The following SLC9C1 variants were observed in gnomAD, a reference collection of about 807,000 sequenced individuals.
SLC9C1 encodes the protein sodium/hydrogen exchanger 10.
Under a neutral mutation model 140.9 loss-of-function variants are expected in SLC9C1, and 97 were observed. The observed-to-expected ratio is 0.69, with a 90% CI of 0.58 to 0.82. The LOEUF is 0.82. Ranked by LOEUF, SLC9C1 falls within the 40% of genes least tolerant of loss-of-function variation. The probability of loss-of-function intolerance (pLI) is 0.00; values close to 1 mark genes in which losing one functional copy is unlikely to be tolerated. For missense variants in SLC9C1, 1,340 were observed against 1,389.3 expected, an observed-to-expected ratio of 0.96 and a Z score of 0.56; for synonymous variants, 440 against 442.6, an observed-to-expected ratio of 0.99 and a Z score of 0.07.
intron 2 of SLC9C1, among the ~76,000 whole-genome samples, chr3:112,283,986 C>T (rs759157572): frequency 6.6e-6 from 1 of 152,042 alleles, no homozygotes; most frequent in Non-Finnish European, 1.5e-5. Flanking sequence ...GTGTTGCCTC[C>T]GCGACCCCAA....
At position 112,154,003 on chromosome 3, in the gene SLC9C1, G is replaced by T. The variant is rs530541230; in HGVS notation, c.3417+994C>A. ...TGTCCTCTTAAAAGCCAGGGCACTT[G>T]GATGAGGAACATCTTCAACTTATCA... On this transcript the variant is annotated intron_variant, in intron 27 of 28. Transcript: ENST00000305815. 1.2e-3 allele frequency among the ~76,000 whole-genome samples: 181 copies of T among 152,264 alleles called. 1 individual carries two copies. Among genetic ancestry groups the T allele is most frequent in the African/African-American group, 4.2e-3 (174 of 41,562 alleles).
Position 112,262,951 on chromosome 3 carries a change from A to G in SLC9C1, c.1170T>C (p.Tyr390=). Residue 390 remains tyrosine (Y), a synonymous_variant, in exon 10 of 29, where the codon TAT becomes TAC. Coordinates refer to ENST00000305815, the MANE Select transcript of SLC9C1 (RefSeq NM_183061.3). ...GAGATTTTTCTTTGTCAGATCCAAA[A>G]TAAAGATCAGAGTAGGCAAGCAGAA... is the stretch of plus-strand genomic sequence containing the variant. ...MALLLAYSDL[Y]FGSDKEKSQI... 6.3e-7 allele frequency: 1 copy of G among 1,580,504 alleles called. No homozygotes were observed. The highest frequency in any genetic ancestry group is 1.4e-5 in the African/African-American group (1 of 73,126).
chr3:112,171,590 GTGA>G (rs745632628), intron 23 of SLC9C1, among the ~76,000 whole-genome samples: 26 of 152,192 alleles, frequency 1.7e-4, no homozygotes, highest in Middle Eastern at 3.4e-3. Flanking sequence ...CATATTTTTT[GTGA>G]TGTCTTTTGA....
chr3:112,219,536 G>GA (rs2078481077), intron 14 of SLC9C1, among the ~76,000 whole-genome samples: 1 of 152,000 alleles, frequency 6.6e-6, no homozygotes, highest in African/African-American at 2.4e-5. Context: ...CATTTAAAGA[G>GA]AAAAAAATCA....
At chr3:112,235,107 G>T (rs1371234846) in intron 12 of SLC9C1, among the ~76,000 whole-genome samples, 1 of 142,730 alleles carries the variant, frequency 7.0e-6, no homozygotes, top group Non-Finnish European at 1.5e-5. Context: ...TCCTATCCAT[G>T]AGCATGGAAT....
chr3:112,215,941 C>G (rs1001864046), intron 15 of SLC9C1, among the ~76,000 whole-genome samples: 13 of 152,298 alleles, frequency 8.5e-5, no homozygotes, highest in South Asian at 2.1e-4. Context: ...CATCACGCTA[C>G]CTGACTTCAA....
chr3:112,215,664 C>G (rs1482494439), intron 15 of SLC9C1, among the ~76,000 whole-genome samples: 2 of 152,128 alleles, frequency 1.3e-5, no homozygotes, highest in African/African-American at 4.8e-5. Flanking sequence ...TGAAGGACCT[C>G]TTCAAGAAGA....
chr3:112,220,442 A>G (rs778613488), intron 14 of SLC9C1, among the ~76,000 whole-genome samples: 26 of 152,174 alleles, frequency 1.7e-4, no homozygotes, highest in Admixed American at 1.2e-3. Context: ...TAGAGGCCCA[A>G]ATAGACTCTG....
At chr3:112,188,841 C>G (rs537909043) in intron 20 of SLC9C1, among the ~76,000 whole-genome samples, 117 of 152,316 alleles carry the variant, frequency 7.7e-4, no homozygotes, top group Non-Finnish European at 1.4e-3. Context: ...CTAGTTTACA[C>G]TCCCACCAAC....
chr3:112,168,366 CAA>C (rs1491207656), intron 25 of SLC9C1, among the ~76,000 whole-genome samples: 3 of 66,742 alleles, frequency 4.5e-5, no homozygotes, highest in African/African-American at 1.7e-4. Flanking sequence ...CACACACACA[CAA>C]CTTCTTTCCT....
At chr3:112,224,820 A>C (rs928961929) in intron 13 of SLC9C1, among the ~76,000 whole-genome samples, 2 of 151,884 alleles carry the variant, frequency 1.3e-5, no homozygotes, top group Non-Finnish European at 2.9e-5. Flanking sequence ...AGAGAAAGAG[A>C]GAAAGAAAGA....
chr3:112,207,859 T>C (rs999287449), intron 16 of SLC9C1, among the ~76,000 whole-genome samples: 2 of 152,112 alleles, frequency 1.3e-5, no homozygotes, highest in Admixed American at 1.3e-4. Context: ...AGTATAAAAA[T>C]AATAAAATGA....
chr3:112,190,130 T>C (rs1037336539), intron 20 of SLC9C1, among the ~76,000 whole-genome samples: 3 of 152,200 alleles, frequency 2.0e-5, no homozygotes, highest in Non-Finnish European at 2.9e-5. Context: ...AAGGAGATTT[T>C]GGGCTGAGAC....
intron 10 of SLC9C1, among the ~76,000 whole-genome samples, chr3:112,253,027 G>C (rs1163895335): frequency 6.6e-6 from 1 of 152,164 alleles, no homozygotes; most frequent in Non-Finnish European, 1.5e-5. Flanking sequence ...GGAGACTAGG[G>C]ACTGGTGATG....
intron 1 of SLC9C1, among the ~76,000 whole-genome samples, chr3:112,293,259 G>A (rs1351244056): frequency 7.1e-6 from 1 of 140,050 alleles, no homozygotes; most frequent in Non-Finnish European, 1.5e-5. Context: ...TTGGGTGACA[G>A]AGTGAGACTC....
intron 10 of SLC9C1, among the ~76,000 whole-genome samples, chr3:112,257,601 A>G (rs370056506): frequency 4.6e-4 from 70 of 152,332 alleles, no homozygotes; most frequent in African/African-American, 1.6e-3. Flanking sequence ...AAAACCCTGG[A>G]AGACGACCTA....
intron 28 of SLC9C1, chr3:112,147,437 CT>C: frequency 3.5e-6 from 1 of 289,450 alleles, no homozygotes; most frequent in Admixed American, 4.8e-5. Context: ...CTTTTCTTTC[CT>C]TGTTTAGAAC....
intron 14 of SLC9C1, among the ~76,000 whole-genome samples, chr3:112,218,111 G>A (rs770723571): frequency 2.0e-5 from 3 of 151,458 alleles, no homozygotes; most frequent in Non-Finnish European, 4.4e-5. Context: ...AAAGTCACTG[G>A]TCATAAGAGC....
intron 24 of SLC9C1, 54 bp downstream of exon 24, chr3:112,169,143 T>G (rs2077197281): frequency 6.3e-7 from 1 of 1,593,316 alleles, no homozygotes; most frequent in Admixed American, 1.8e-5. Context: ...TTATAATGTT[T>G]TAATGCCATT....
Sources: allele counts gnomAD v4.1 joint callset (sites outside exome capture counted in the v4.1 genomes callset), GRCh38; gene constraint gnomAD v4.1.1; transcripts MANE v1.5; gene names NCBI Gene and HGNC (gene_info 2026-07-23, HGNC 2026-07-21).